Variants in SCRG1 observed in about 807,000 individuals in gnomAD.
SCRG1 encodes the protein stimulator of chondrogenesis 1.
In SCRG1, 3 loss-of-function variants were observed where a neutral mutation model predicts 7.7. The observed-to-expected ratio is 0.39, with a 90% confidence interval of 0.18 to 1.01. The LOEUF is 1.01. Ranked by LOEUF, SCRG1 falls within the 50% of genes least tolerant of loss-of-function variation. The probability of loss-of-function intolerance (pLI) is 0.36; values close to 1 mark genes in which losing one functional copy is unlikely to be tolerated. For missense variants in SCRG1, 110 were observed against 117.2 expected (o/e 0.94, Z 0.28); for synonymous variants, 46 against 41.2 (o/e 1.12, Z -0.44).
the SCRG1 span, chr4:173,446,683 T>C: frequency 2.0e-5 from 3 of 152,262 alleles, no homozygotes; most frequent in African/African-American, 7.2e-5. Flanking sequence ...AATTTTAGTA[T>C]AAGTGCTGCT....
chr4:173,483,718 AT>A, the SCRG1 span, among the ~76,000 whole-genome samples: 200 of 1,520 alleles, frequency 0.13, 77 homozygotes, highest in Admixed American at 0.23. Flanking sequence ...GATATATTAT[AT>A]TGTGATATAT....
chr4:173,431,850 C>G, the SCRG1 span, among the ~76,000 whole-genome samples: 1 of 152,206 alleles, frequency 6.6e-6, no homozygotes, highest in African/African-American at 2.4e-5. Context: ...AATACATCAC[C>G]ATGCAAGGAG....
chr4:173,478,229 G>T, the SCRG1 span, among the ~76,000 whole-genome samples: 1 of 152,122 alleles, frequency 6.6e-6, no homozygotes, highest in Non-Finnish European at 1.5e-5. Context: ...TTGAAATATA[G>T]TCTCATGTAA....
chr4:173,425,202 A>G, the SCRG1 span, among the ~76,000 whole-genome samples: 1 of 152,210 alleles, frequency 6.6e-6, no homozygotes, highest in South Asian at 2.1e-4. Flanking sequence ...TTCACAGGGC[A>G]AAAAAGGCAG....
At chr4:173,442,181 A>T in the SCRG1 span, among the ~76,000 whole-genome samples, 1 of 152,164 alleles carries the variant, frequency 6.6e-6, no homozygotes, top group Non-Finnish European at 1.5e-5. Context: ...CCTTTGATTC[A>T]TTCTCAGCTT....
chr4:173,433,971 C>T, the SCRG1 span, among the ~76,000 whole-genome samples: 1 of 152,222 alleles, frequency 6.6e-6, no homozygotes, highest in Non-Finnish European at 1.5e-5. Context: ...TCTCTGTTAT[C>T]TTAGTGCCTC....
chr4:173,502,909 A>G, the SCRG1 span, among the ~76,000 whole-genome samples: 3 of 152,224 alleles, frequency 2.0e-5, no homozygotes, highest in Admixed American at 6.5e-5. This position sits in a 1 kb window ranked among gnomAD's most constrained non-coding sequence, Gnocchi z 4.6. Flanking sequence ...TCTGATCACT[A>G]TAGAAATATA....
the SCRG1 span, among the ~76,000 whole-genome samples, chr4:173,453,975 G>T: frequency 1.5e-4 from 23 of 152,254 alleles, no homozygotes; most frequent in African/African-American, 5.3e-4. Flanking sequence ...CTACTCGGGA[G>T]GCTGAGGCAG....
At chr4:173,398,201 A>C (rs1739657952) in intron 1 of SCRG1, 1 of 152,228 alleles carries the variant, frequency 6.6e-6, no homozygotes, top group African/African-American at 2.4e-5. Context: ...CAGTATTAAA[A>C]AGTGAATAAG....
chr4:173,391,149 C>A (rs776577191), intron 2 of SCRG1, 24 bp downstream of exon 2: 26 of 1,612,312 alleles, frequency 1.6e-5, no homozygotes, highest in Non-Finnish European at 2.2e-5. Flanking sequence ...CCAGGCAATA[C>A]ACTTTGTGAT....
chr4:173,476,640 T>C, the SCRG1 span, among the ~76,000 whole-genome samples: 4 of 151,946 alleles, frequency 2.6e-5, no homozygotes, highest in Non-Finnish European at 4.4e-5. Flanking sequence ...GTTAAATTTC[T>C]TGCATACTGA....
chr4:173,519,133 A>C, the SCRG1 span, among the ~76,000 whole-genome samples: 4 of 151,008 alleles, frequency 2.6e-5, no homozygotes, highest in African/African-American at 9.9e-5. Flanking sequence ...GCAGAGAAAA[A>C]ATAGAGGAAG....
At chr4:173,419,801 A>G in the SCRG1 span, 33 of 1,463,214 alleles carry the variant, frequency 2.3e-5, no homozygotes, top group South Asian at 3.4e-4. Context: ...ATTGCCAGTC[A>G]CCTCCACTTG....
At chr4:173,471,999 G>A in the SCRG1 span, among the ~76,000 whole-genome samples, 2 of 152,134 alleles carry the variant, frequency 1.3e-5, no homozygotes, top group Non-Finnish European at 2.9e-5. Flanking sequence ...GTGAGCCACC[G>A]TGCCCGGCTG....
upstream of SCRG1, among the ~76,000 whole-genome samples, chr4:173,408,886 C>T (rs548302302): frequency 6.7e-6 from 1 of 149,334 alleles, no homozygotes; most frequent in Admixed American, 6.7e-5. Context: ...CCAGCTACTC[C>T]GGAGGCTGAG....
At chr4:173,484,668 A>ATATATATTATATATTATATG in the SCRG1 span, among the ~76,000 whole-genome samples, 4 of 57,636 alleles carry the variant, frequency 6.9e-5, no homozygotes, top group African/African-American at 3.2e-4. Flanking sequence ...ATTATATATA[A>ATATATATTATATATTATATG]CATGATGTAT....
chr4:173,487,664 A>G, the SCRG1 span, among the ~76,000 whole-genome samples: 1 of 152,216 alleles, frequency 6.6e-6, no homozygotes, highest in African/African-American at 2.4e-5. Context: ...GAAATACATT[A>G]GAATTTTTTA....
intron 1 of SCRG1, 93 bp from the exon 2 acceptor site, chr4:173,391,521 T>G (rs1197283999): frequency 7.7e-7 from 1 of 1,305,256 alleles, no homozygotes; most frequent in Non-Finnish European, 1.1e-6. Context: ...TATAAACCCT[T>G]GGATAGAAAG....
At chr4:173,517,927 C>T in the SCRG1 span, among the ~76,000 whole-genome samples, 4 of 152,226 alleles carry the variant, frequency 2.6e-5, no homozygotes. Flanking sequence ...GAGCTCCTCC[C>T]GGACCTCGGG....
Sources: allele counts gnomAD v4.1 joint callset (sites outside exome capture counted in the v4.1 genomes callset), GRCh38; gene constraint gnomAD v4.1.1; non-coding constraint Gnocchi (gnomAD v3.1); transcripts MANE v1.5; gene names NCBI Gene and HGNC (gene_info 2026-07-23, HGNC 2026-07-21).